The following MIOS variants were observed in gnomAD, a reference collection of about 807,000 sequenced individuals.
The protein encoded by MIOS is meiosis regulator for oocyte development.
A neutral mutation model predicts 96.9 loss-of-function variants in MIOS; 52 were observed. The observed-to-expected ratio is 0.54, with a 90% CI of 0.43 to 0.68. The LOEUF (loss-of-function observed/expected upper bound fraction) is 0.68. Among genes scored for constraint, MIOS ranks in the 30% least tolerant of loss-of-function variants. The pLI is 0.00. For missense variants in MIOS, 1,005 were observed against 1,052.8 expected (o/e 0.95, Z 0.63); for synonymous variants, 397 against 359.5 (o/e 1.10, Z -1.18).
intron 6 of MIOS, among the ~76,000 whole-genome samples, chr7:7,584,727 C>T (rs1158461313): frequency 6.6e-6 from 1 of 151,978 alleles, no homozygotes; most frequent in African/African-American, 2.4e-5. Context: ...ATTAAGAAAA[C>T]TTATATAATA....
chr7:7,596,271 C>T lies in MIOS; in HGVS notation c.2211C>T (p.Cys737=). The change falls in exon 11 of 13, where the codon TGC becomes TGT. Residue 737 remains cysteine (C), a synonymous_variant. Coordinates refer to ENST00000340080, the MANE Select transcript of MIOS (RefSeq NM_019005.4). The part of the protein sequence containing the change: ...SKPLAQVFVS[C]NFCGKSISYS... ...TTGTTTTGTAGGTTTTTGTGAGTTGCAATTTCTGTGGCAAGTCAATCTCCT... is the reference window on the plus strand; with the variant it reads ...TTGTTTTGTAGGTTTTTGTGAGTTGTAATTTCTGTGGCAAGTCAATCTCCT... The T allele has an allele frequency of 6.2e-7, 1 of 1,612,112 alleles. No individual in the cohort carries two copies. The highest frequency in any genetic ancestry group is 8.5e-7 in the Non-Finnish European group (1 of 1,179,024).
At position 7,572,104 on chromosome 7, in the gene MIOS, T is replaced by C. The variant is rs1041128217; in HGVS notation, c.-40-332T>C. ...CCCCCCTTCAAAGGGATAATACTTA[T>C]TAATTTGCTTACCACACTGAAGTTG... On this transcript the variant is annotated intron_variant, in intron 3 of 12. Coordinates refer to ENST00000340080, the MANE Select transcript of MIOS (RefSeq NM_019005.4). The surrounding 1 kb of genome is among the most constrained non-coding windows in gnomAD (Gnocchi z 4.8). 1.3e-5 allele frequency among the ~76,000 whole-genome samples: 2 copies of C among 152,208 alleles called. No homozygotes were observed. Among genetic ancestry groups the C allele is most frequent in the African/African-American group, 2.4e-5 (1 of 41,454 alleles).
At chr7:7,601,319 T>A (rs1050295448) in intron 11 of MIOS, among the ~76,000 whole-genome samples, 2 of 149,316 alleles carry the variant, frequency 1.3e-5, no homozygotes, top group Non-Finnish European at 3.0e-5. Context: ...ATTGATAGAC[T>A]GCTAGCAAGA....
chr7:7,578,521 G>T (rs7459399), intron 5 of MIOS, among the ~76,000 whole-genome samples: 2 of 151,804 alleles, frequency 1.3e-5, no homozygotes, highest in African/African-American at 4.8e-5. Context: ...CAAACAAAAA[G>T]GTAAAATCTA....
chr7:7,591,980 G>C (rs1043829916), intron 9 of MIOS, among the ~76,000 whole-genome samples: 3 of 85,892 alleles, frequency 3.5e-5, no homozygotes, highest in Non-Finnish European at 6.7e-5. Flanking sequence ...CTTCAAATTG[G>C]TTAATTTTTT....
At chr7:7,603,103 A>T (rs558087479) in intron 11 of MIOS, among the ~76,000 whole-genome samples, 2 of 152,340 alleles carry the variant, frequency 1.3e-5, no homozygotes, top group South Asian at 4.1e-4. Context: ...GTTAGACCTA[A>T]AACCGTAAAA....
chr7:7,603,533 A>C (rs1042609811), intron 11 of MIOS, among the ~76,000 whole-genome samples: 2 of 152,226 alleles, frequency 1.3e-5, no homozygotes, highest in African/African-American at 4.8e-5. Context: ...CACCAGTTAG[A>C]ATGGCGATCA....
At chr7:7,578,091 T>C (rs999523916) in intron 5 of MIOS, among the ~76,000 whole-genome samples, 1 of 152,078 alleles carries the variant, frequency 6.6e-6, no homozygotes, top group Non-Finnish European at 1.5e-5. Flanking sequence ...AGTAGGTCTT[T>C]TGGAGGAGGA....
At chr7:7,584,721 A>C (rs1783830469) in intron 6 of MIOS, among the ~76,000 whole-genome samples, 1 of 152,162 alleles carries the variant, frequency 6.6e-6, no homozygotes, top group Non-Finnish European at 1.5e-5. Flanking sequence ...AAATAGATTA[A>C]GAAAACTTAT....
Position 7,572,568 on chromosome 7 carries a change from A to C in MIOS, c.93A>C (p.Glu31Asp). The C allele has an allele frequency of 6.2e-7, 1 of 1,614,102 alleles. No homozygotes were observed. The highest frequency in any genetic ancestry group is 8.5e-7 in the Non-Finnish European group (1 of 1,179,968). ...CAGAACTAAGTCTTTATCATGTGGA[A>C]TCTACTGTGAATTCAGAACTCAAAG... ...CDSELSLYHV[E>D]STVNSELKAG... The change falls in exon 4 of 13, where the codon GAA becomes GAC. Residue 31 changes from glutamate (E) to aspartate (D), a missense_variant. Glu to Asp is a conservative substitution (Grantham distance 45, BLOSUM62 2). Transcript: ENST00000340080. The surrounding 1 kb of genome is among the most constrained non-coding windows in gnomAD (Gnocchi z 4.8).
chr7:7,574,148 G>A lies in MIOS; in HGVS notation c.1345G>A (p.Gly449Arg). 1 of 1,610,658 alleles carries A rather than the reference G, an allele frequency of 6.2e-7. No individual in the cohort carries two copies. The highest frequency in any genetic ancestry group is 8.5e-7 in the Non-Finnish European group (1 of 1,178,222). ...GGATCAGAAATCTCCAGGCAACAAA[G>A]GATCATTGGTTTATGCAGGAATTAA... Reference protein sequence around the residue: ...DMDQKSPGNKGSLVYAGIKSI... With the variant: ...DMDQKSPGNKRSLVYAGIKSI... The change falls in exon 5 of 13, where the codon GGA becomes AGA. Residue 449 changes from glycine to arginine, a missense_variant. By Grantham distance (125) the Gly-to-Arg change is moderately radical (BLOSUM62 -2). Around this residue, in one of 3 missense-constraint regions of MIOS, gnomAD observed 865 missense variants for 887.9 expected, o/e 0.97. Coordinates refer to ENST00000340080, the MANE Select transcript of MIOS (RefSeq NM_019005.4).
chr7:7,597,500 ATATATATATATAT>A lies in MIOS; in HGVS notation c.2401+1040_2401+1052del, dbSNP rs1784245634. On this transcript the variant is annotated intron_variant, in intron 11 of 12. Coordinates refer to ENST00000340080, the MANE Select transcript of MIOS (RefSeq NM_019005.4). ...TATATATATATATATATATATATATATATATATATATATATATGAAGGCAATACGTAATGTTTT... is the reference window on the plus strand; with the variant it reads ...TATATATATATATATATATATATATAATATGAAGGCAATACGTAATGTTTT... Among the ~76,000 whole-genome samples the A allele has an allele frequency of 2.8e-5, 2 of 71,698 alleles. 1 individual carries two copies. The highest frequency in any genetic ancestry group is 1.1e-4 in the African/African-American group (2 of 18,344). The allele number at this position is 71,698 out of a possible 152,430, so 47.0% of individuals were successfully genotyped here. A position where few individuals can be genotyped will look rare whatever the true frequency, so the allele number is the denominator to read the frequency against.
At chr7:7,589,094 A>G (rs1783973349) in intron 8 of MIOS, among the ~76,000 whole-genome samples, 1 of 152,280 alleles carries the variant, frequency 6.6e-6, no homozygotes, top group African/African-American at 2.4e-5. Context: ...GTTACATACT[A>G]CTATGATAGA....
chr7:7,595,171 G>GT, intron 10 of MIOS, 39 bp downstream of exon 10: 3 of 1,571,938 alleles, frequency 1.9e-6, no homozygotes, highest in Non-Finnish European at 2.6e-6. Flanking sequence ...ATTGTAACAT[G>GT]TTGATGTTCA....
chr7:7,584,270 A>AG (rs1039757005), intron 6 of MIOS, among the ~76,000 whole-genome samples: 1 of 152,240 alleles, frequency 6.6e-6, no homozygotes, highest in Admixed American at 6.5e-5. Flanking sequence ...CCCTCATTTA[A>AG]GAGTGCAATA....
At chr7:7,593,134 G>T (rs1254072545) in intron 9 of MIOS, among the ~76,000 whole-genome samples, 2 of 152,202 alleles carry the variant, frequency 1.3e-5, no homozygotes, top group Non-Finnish European at 2.9e-5. Context: ...GGGAAAGAAT[G>T]AGATGTGAAA....
chr7:7,585,408 A>AC (rs11290571), intron 6 of MIOS, among the ~76,000 whole-genome samples: 163 of 131,478 alleles, frequency 1.2e-3, no homozygotes, highest in African/African-American at 4.4e-3. Context: ...CAAAACCCAA[A>AC]CCCCCCCCTT....
rs571546693 is a variant in MIOS at position 7,599,290 on chromosome 7, G to A, written c.2401+2829G>A. ...CATCTTTCACTACAGAAATACTAACGAGTTTGATTACAGGGTGCTTTAGAC... is the reference window on the plus strand; with the variant it reads ...CATCTTTCACTACAGAAATACTAACAAGTTTGATTACAGGGTGCTTTAGAC... On this transcript the variant is annotated intron_variant, in intron 11 of 12. Coordinates refer to ENST00000340080, the MANE Select transcript of MIOS (RefSeq NM_019005.4). 1.6e-4 allele frequency among the ~76,000 whole-genome samples: 25 copies of A among 152,164 alleles called. No individual in the cohort carries two copies. In the East Asian group the frequency reaches 4.8e-3, roughly 29 times the overall value.
chr7:7,582,939 T>A, intron 5 of MIOS, 179 bp from the exon 6 acceptor site: 1 of 701,212 alleles, frequency 1.4e-6, no homozygotes, highest in Non-Finnish European at 2.2e-6. Context: ...AAGGAGCTAC[T>A]GTACTTAAAA....
Sources: allele counts gnomAD v4.1 joint callset (sites outside exome capture counted in the v4.1 genomes callset), GRCh38; gene constraint gnomAD v4.1.1; regional missense constraint gnomAD v4.1.1; non-coding constraint Gnocchi (gnomAD v3.1); transcripts MANE v1.5; gene names NCBI Gene and HGNC (gene_info 2026-07-23, HGNC 2026-07-21).